The following NTNG1 variants were observed in gnomAD, a reference collection of about 807,000 sequenced individuals.
The protein encoded by NTNG1 is netrin-G1.
Under a neutral mutation model 54.0 loss-of-function variants are expected in NTNG1, and 16 were observed. The observed-to-expected ratio is 0.30, with a 90% CI of 0.20 to 0.45. The LOEUF (loss-of-function observed/expected upper bound fraction) is 0.45. Ranked by LOEUF, NTNG1 falls within the 20% of genes least tolerant of loss-of-function variation. The probability of loss-of-function intolerance (pLI) is 1.00; values close to 1 mark genes in which losing one functional copy is unlikely to be tolerated. For missense variants in NTNG1, 530 were observed against 678.7 expected, an observed-to-expected ratio of 0.78 and a Z score of 2.43; for synonymous variants, 255 against 263.1, an observed-to-expected ratio of 0.97 and a Z score of 0.30.
intron 5 of NTNG1, chr1:107,418,438 G>A (rs1570919706): frequency 1.9e-6 from 1 of 530,418 alleles, no homozygotes; most frequent in Non-Finnish European, 3.4e-6. Flanking sequence ...TTTGATGTGG[G>A]AGTCATGTTT....
Position 107,332,659 on chromosome 1 carries a change from T to C in NTNG1, c.887+7737T>C, listed in dbSNP as rs182884504. 2.5e-3 allele frequency among the ~76,000 whole-genome samples: 388 copies of C among 152,226 alleles called. 6 individuals carry two copies. The highest frequency in any genetic ancestry group is 8.7e-3 in the African/African-American group (362 of 41,572). ...AGTTTTTTGAGACCTATGTGATCAA[T>C]GGTTCAGTAAAGAGACTATTTCCAT... is the stretch of plus-strand genomic sequence containing the variant. On this transcript the variant is annotated intron_variant, in intron 3 of 7. Transcript: ENST00000370068.
intron 3 of NTNG1, among the ~76,000 whole-genome samples, chr1:107,368,009 C>T (rs1463525892): frequency 9.9e-5 from 15 of 152,084 alleles, no homozygotes; most frequent in African/African-American, 3.4e-4. Context: ...CCGCCTGCCT[C>T]GGCCTCCCAA....
rs373198877 is a variant in NTNG1 at position 107,388,498 on chromosome 1, T to A, written c.888-6656T>A. Among the ~76,000 whole-genome samples, 254 of 152,330 alleles carry A rather than the reference T, an allele frequency of 1.7e-3. 1 individual carries two copies. Among genetic ancestry groups the A allele is most frequent in the African/African-American group, 5.9e-3 (244 of 41,570 alleles). On this transcript the variant is annotated intron_variant, in intron 3 of 7. Transcript: ENST00000370068. ...GATTCAGAACACTTTAATATTCAAA[T>A]GCATGATCATCTGTAATCATTAGTG...
At chr1:107,238,351 T>A (rs1661558601) in intron 2 of NTNG1, among the ~76,000 whole-genome samples, 1 of 152,224 alleles carries the variant, frequency 6.6e-6, no homozygotes, top group Non-Finnish European at 1.5e-5. Context: ...TTGCTTTTGA[T>A]TTTACAGACT....
At chr1:107,320,828 G>GA (rs1224785237) in intron 2 of NTNG1, among the ~76,000 whole-genome samples, 1 of 151,916 alleles carries the variant, frequency 6.6e-6, no homozygotes, top group African/African-American at 2.4e-5. Context: ...CGAGTGTTAT[G>GA]AAATAAGGAG....
chr1:107,275,064 G>A (rs903588882), intron 2 of NTNG1, among the ~76,000 whole-genome samples: 1 of 152,118 alleles, frequency 6.6e-6, no homozygotes, highest in African/African-American at 2.4e-5. Flanking sequence ...ATGTGTACGT[G>A]TGTGTATAAT....
intron 2 of NTNG1, among the ~76,000 whole-genome samples, chr1:107,167,394 G>A (rs1475880592): frequency 6.6e-6 from 1 of 151,726 alleles, no homozygotes; most frequent in Admixed American, 6.6e-5. Context: ...TATTATCAGT[G>A]TTAAAATTTC....
chr1:107,165,018 G>C (rs1332148941), intron 2 of NTNG1, among the ~76,000 whole-genome samples: 1 of 152,074 alleles, frequency 6.6e-6, no homozygotes, highest in Admixed American at 6.6e-5. Flanking sequence ...GAGCCAGAGT[G>C]GGGTGAGTAG....
intron 2 of NTNG1, among the ~76,000 whole-genome samples, chr1:107,323,060 C>T (rs531215304): frequency 2.9e-4 from 44 of 151,024 alleles, no homozygotes; most frequent in Non-Finnish European, 4.9e-4. Context: ...TCTGAGACCT[C>T]GCTCCTGTAT....
chr1:107,217,226 G>T (rs977746832), intron 2 of NTNG1, among the ~76,000 whole-genome samples: 12 of 152,052 alleles, frequency 7.9e-5, no homozygotes, highest in Non-Finnish European at 1.5e-4. Context: ...TCTAGTTTAT[G>T]CATGTAACTG....
chr1:107,246,124 T>A (rs1157539918), intron 2 of NTNG1, among the ~76,000 whole-genome samples: 2 of 152,172 alleles, frequency 1.3e-5, no homozygotes, highest in African/African-American at 4.8e-5. Context: ...TGATCTCCGC[T>A]CACTGCAAGC....
chr1:107,154,613 A>C (rs1018584352), intron 2 of NTNG1, among the ~76,000 whole-genome samples: 3 of 150,074 alleles, frequency 2.0e-5, no homozygotes, highest in Admixed American at 6.7e-5. Context: ...AAAAAAAAAA[A>C]AAAAAAAAAA....
chr1:107,393,681 A>G (rs1235451543), intron 3 of NTNG1, among the ~76,000 whole-genome samples: 1 of 151,518 alleles, frequency 6.6e-6, no homozygotes, highest in East Asian at 1.9e-4. Flanking sequence ...TTAGGACTAC[A>G]CCTTTTAGTT....
At chr1:107,475,363 C>T (rs891600990) in intron 7 of NTNG1, among the ~76,000 whole-genome samples, 1 of 152,218 alleles carries the variant, frequency 6.6e-6, no homozygotes, top group Non-Finnish European at 1.5e-5. Flanking sequence ...TGCTTATCTA[C>T]AGCTTCCTTA....
chr1:107,320,668 T>A lies in NTNG1; in HGVS notation c.247-3614T>A, dbSNP rs555062743. On this transcript the variant is annotated intron_variant, in intron 2 of 7. Coordinates refer to ENST00000370068, the MANE Select transcript of NTNG1 (RefSeq NM_001113226.3). The stretch of plus-strand genomic sequence containing the variant: ...GGCTTCTTCACCTTTCATCTTTTTT[T>A]TTTTTTTTTCCTTTCTCTCACCTGA... 2.6e-5 allele frequency among the ~76,000 whole-genome samples: 4 copies of A among 151,712 alleles called. No homozygotes were observed. The East Asian group carries it at 7.8e-4, about 29-fold the overall frequency.
intron 2 of NTNG1, among the ~76,000 whole-genome samples, chr1:107,214,569 C>T (rs1441907041): frequency 1.3e-5 from 2 of 152,114 alleles, no homozygotes; most frequent in Non-Finnish European, 2.9e-5. Context: ...GCAAATTATG[C>T]CGCTATAAAT....
At chr1:107,181,507 A>G (rs1657063315) in intron 2 of NTNG1, among the ~76,000 whole-genome samples, 1 of 27,376 alleles carries the variant, frequency 3.7e-5, no homozygotes, top group Admixed American at 3.2e-4. Context: ...AGAGTGTGAA[A>G]CAATCCTTGA....
chr1:107,174,747 T>C (rs369979456), intron 2 of NTNG1, among the ~76,000 whole-genome samples: 17 of 152,250 alleles, frequency 1.1e-4, no homozygotes, highest in African/African-American at 4.1e-4. Flanking sequence ...TAGAGATTTT[T>C]TTTTTTTTAG....
intron 2 of NTNG1, among the ~76,000 whole-genome samples, chr1:107,203,586 G>A (rs1658929360): frequency 6.6e-6 from 1 of 151,028 alleles, no homozygotes; most frequent in Non-Finnish European, 1.5e-5. Flanking sequence ...GTGTGTGTGT[G>A]TGTGTATATA....
Sources: allele counts gnomAD v4.1 joint callset (sites outside exome capture counted in the v4.1 genomes callset), GRCh38; gene constraint gnomAD v4.1.1; transcripts MANE v1.5; gene names NCBI Gene and HGNC (gene_info 2026-07-23, HGNC 2026-07-21).